LMO3: variants seen among roughly 807,000 people sequenced by gnomAD.
The protein encoded by LMO3 is LIM domain only protein 3.
Under a neutral mutation model 15.8 loss-of-function variants are expected in LMO3, and 2 were observed. That is an observed-to-expected ratio of 0.13 (90% CI 0.05 to 0.40). The LOEUF is 0.40. LMO3 is among the 10% of genes least tolerant of loss of function. LMO3 has a pLI of 0.99. For missense variants in LMO3, 86 were observed against 182.2 expected (o/e 0.47, Z 3.04); for synonymous variants, 62 against 63.8 (o/e 0.97, Z 0.13).
intron 2 of LMO3, among the ~76,000 whole-genome samples, chr12:16,583,544 A>G (rs1416679799): frequency 6.6e-6 from 1 of 152,216 alleles, no homozygotes; most frequent in African/African-American, 2.4e-5. Context: ...CTTAGAAGGA[A>G]TAGGAAGACC....
In LMO3 at chr12:16,593,517, G is replaced by A. The variant is rs562634997; in HGVS notation, c.206+7138C>T. Among the ~76,000 whole-genome samples, 5 of 151,816 alleles carry A rather than the reference G, an allele frequency of 3.3e-5. No individual in the cohort carries two copies. The highest frequency in any genetic ancestry group is 1.9e-4 in the East Asian group (1 of 5,162). ...ACATGATAGCGCAAAGGAATTCGGC[G>A]AAAAGAGAATCATTACATAACTACA... On this transcript the variant is annotated intron_variant, in intron 2 of 3. Coordinates refer to ENST00000537304, the MANE Select transcript of LMO3 (RefSeq NM_018640.5). This position sits in a 1 kb window ranked among gnomAD's most constrained non-coding sequence, Gnocchi z 4.2.
chr12:16,577,088 A>G (rs1376369018), intron 2 of LMO3, among the ~76,000 whole-genome samples: 1 of 152,178 alleles, frequency 6.6e-6, no homozygotes, highest in African/African-American at 2.4e-5. Context: ...TCAGAATTCT[A>G]ATATTAGCAG....
intron 2 of LMO3, among the ~76,000 whole-genome samples, chr12:16,590,171 T>C (rs760546537): frequency 1.1e-4 from 16 of 152,104 alleles, no homozygotes; most frequent in Non-Finnish European, 1.6e-4. Context: ...CCCACTGTTA[T>C]AAATAGAAAT....
Position 16,560,286 on chromosome 12 carries a change from G to T in LMO3, c.332+127C>A. On this transcript the variant is annotated intron_variant, in intron 3 of 3. Transcript: ENST00000537304. This position sits in a 1 kb window ranked among gnomAD's most constrained non-coding sequence, Gnocchi z 5.0. ...AGCTTGTCTCTGGCATGGGATTAAA[G>T]TTTACAGAACAGAAAAACGCTGAGA... The T allele has an allele frequency of 9.4e-7, 1 of 1,064,994 alleles. No homozygotes were observed. Among genetic ancestry groups the T allele is most frequent in the Non-Finnish European group, 1.3e-6 (1 of 757,848 alleles). The allele number at this position is 1,064,994 out of a possible 1,614,324, so 66.0% of individuals were successfully genotyped here. A position where few individuals can be genotyped will look rare whatever the true frequency, so the allele number is the denominator to read the frequency against.
chr12:16,604,751 A>G lies in LMO3; in HGVS notation c.-9+1315T>C. On this transcript the variant is annotated intron_variant, in intron 1 of 3. Transcript: ENST00000537304. This position sits in a 1 kb window ranked among gnomAD's most constrained non-coding sequence, Gnocchi z 5.3. ...AGTCTTTCAAAGCAGTTACAACAAT[A>G]ATATTTCGGTTCTTTCAGAAAGACA... 8.7e-7 allele frequency: 1 copy of G among 1,150,734 alleles called. No homozygotes were observed. The highest frequency in any genetic ancestry group is 1.3e-6 in the Non-Finnish European group (1 of 781,012). 71.3% of individuals were successfully genotyped at this position (1,150,734 alleles called of 1,614,324 possible).
At chr12:16,601,861 T>C (rs996519080) in intron 1 of LMO3, 1 of 152,136 alleles carries the variant, frequency 6.6e-6, no homozygotes, top group African/African-American at 2.4e-5. Flanking sequence ...TCACCTTGAG[T>C]GTCTTCTTAT....
chr12:16,569,805 AAG>A (rs1254132607), intron 2 of LMO3, among the ~76,000 whole-genome samples: 3 of 152,200 alleles, frequency 2.0e-5, no homozygotes, highest in African/African-American at 7.2e-5. Flanking sequence ...AGAGTATTAA[AAG>A]GGAGAAGGGA....
In LMO3 at chr12:16,572,693, T is replaced by G. The variant is rs531400681; in HGVS notation, c.207-12155A>C. On this transcript the variant is annotated intron_variant, in intron 2 of 3. Transcript: ENST00000537304. Reference sequence around the variant, plus strand: ...AAATATATAGATTATATATATAATTTAAATATATTATATATAATTTAAATA... The same window carrying G: ...AAATATATAGATTATATATATAATTGAAATATATTATATATAATTTAAATA... Among the ~76,000 whole-genome samples the G allele has an allele frequency of 2.0e-5, 3 of 147,840 alleles. No individual in the cohort carries two copies. The East Asian group carries it at 5.9e-4, about 29-fold the overall frequency.
rs1942305687 is a variant in LMO3, at chr12:16,559,352, A to AT, written c.332+1060dup. Among the ~76,000 whole-genome samples the AT allele has an allele frequency of 2.0e-5, 3 of 152,194 alleles. No homozygotes were observed. Among genetic ancestry groups the AT allele is most frequent in the Admixed American group, 2.0e-4 (3 of 15,280 alleles). On this transcript the variant is annotated intron_variant, in intron 3 of 3. Coordinates refer to ENST00000537304, the MANE Select transcript of LMO3 (RefSeq NM_018640.5). The surrounding 1 kb of genome is among the most constrained non-coding windows in gnomAD (Gnocchi z 4.1). Reference sequence around the variant, plus strand: ...ATAACTTTCAATAAGAAAAAATGGAATTAAGTGATAATACTTTTCAGCTGA... The same window carrying AT: ...ATAACTTTCAATAAGAAAAAATGGAATTTAAGTGATAATACTTTTCAGCTGA...
chr12:16,582,767 G>T lies in LMO3; in HGVS notation c.206+17888C>A, dbSNP rs531642684. 6.6e-6 allele frequency among the ~76,000 whole-genome samples: 1 copy of T among 152,158 alleles called. No homozygotes were observed. The highest frequency in any genetic ancestry group is 1.5e-5 in the Non-Finnish European group (1 of 68,028). On this transcript the variant is annotated intron_variant, in intron 2 of 3. Transcript: ENST00000537304. This position sits in a 1 kb window ranked among gnomAD's most constrained non-coding sequence, Gnocchi z 4.1. ...ACGCCCAGAAAAGAATCAGAACTAG[G>T]CCGGGCACGGTGGCCCATGCCTGTA...
intron 3 of LMO3, among the ~76,000 whole-genome samples, chr12:16,551,732 G>A (rs1483820957): frequency 6.6e-6 from 1 of 151,644 alleles, no homozygotes. Context: ...TGGCCATTTA[G>A]GCACTTAATA....
At position 16,551,189 on chromosome 12, in the gene LMO3, G is replaced by A. The variant is rs1941977231; in HGVS notation, c.*33C>T. ...AGCAAAAAAGATAAAAGAATGTAGTGCTTTGTATTCTTAATGGGGTGATGT... is the reference window on the plus strand; with the variant it reads ...AGCAAAAAAGATAAAAGAATGTAGTACTTTGTATTCTTAATGGGGTGATGT... On this transcript the variant is annotated 3_prime_UTR_variant, in exon 4 of 4. Transcript: ENST00000537304. 5 of 1,299,116 alleles carry A rather than the reference G, an allele frequency of 3.8e-6. No individual in the cohort carries two copies. Among genetic ancestry groups the A allele is most frequent in the Non-Finnish European group, 5.6e-6 (5 of 893,266 alleles). 80.5% of individuals were successfully genotyped at this position (1,299,116 alleles called of 1,614,324 possible).
chr12:16,575,287 C>G (rs777917321), intron 2 of LMO3, among the ~76,000 whole-genome samples: 9 of 152,142 alleles, frequency 5.9e-5, no homozygotes, highest in Non-Finnish European at 1.3e-4. Context: ...AGGTCAATTT[C>G]CACACACTAA....
intron 2 of LMO3, among the ~76,000 whole-genome samples, chr12:16,571,786 G>A (rs1044240731): frequency 6.6e-6 from 1 of 151,964 alleles, no homozygotes; most frequent in African/African-American, 2.4e-5. Context: ...AGTGTAACTG[G>A]ATCATTCAGC....
intron 2 of LMO3, among the ~76,000 whole-genome samples, chr12:16,564,925 AC>A (rs1210553554): frequency 6.6e-6 from 1 of 152,132 alleles, no homozygotes; most frequent in Non-Finnish European, 1.5e-5. Flanking sequence ...AGCTGGGACC[AC>A]AAGTGCATAT....
chr12:16,566,780 G>T (rs1942628860), intron 2 of LMO3, among the ~76,000 whole-genome samples: 1 of 152,086 alleles, frequency 6.6e-6, no homozygotes, highest in African/African-American at 2.4e-5. Flanking sequence ...ATATATACAT[G>T]TATAGTACAT....
chr12:16,572,171 C>T (rs1225194518), intron 2 of LMO3, among the ~76,000 whole-genome samples: 3 of 151,530 alleles, frequency 2.0e-5, no homozygotes, highest in Admixed American at 6.6e-5. Flanking sequence ...AATAAATTAC[C>T]ACAACTCTCA....
At chr12:16,578,618 G>A (rs1241476156) in intron 2 of LMO3, among the ~76,000 whole-genome samples, 1 of 152,132 alleles carries the variant, frequency 6.6e-6, no homozygotes, top group Non-Finnish European at 1.5e-5. Flanking sequence ...AGGAGTTCGA[G>A]ACCAGCTTGG....
chr12:16,597,482 A>G lies in LMO3; in HGVS notation c.206+3173T>C, dbSNP rs1416618504. 6.6e-6 allele frequency: 1 copy of G among 151,820 alleles called. No individual in the cohort carries two copies. Among genetic ancestry groups the G allele is most frequent in the African/African-American group, 2.4e-5 (1 of 41,420 alleles). 9.4% of individuals were successfully genotyped at this position (151,820 alleles called of 1,614,324 possible). A position where few individuals can be genotyped will look rare whatever the true frequency, so the allele number is the denominator to read the frequency against. On this transcript the variant is annotated intron_variant, in intron 2 of 3. Coordinates refer to ENST00000537304, the MANE Select transcript of LMO3 (RefSeq NM_018640.5). The surrounding 1 kb of genome is among the most constrained non-coding windows in gnomAD (Gnocchi z 5.0). ...AGATCTTTAAGTCTCATTGCTCATA[A>G]TTAGGAGTGTTTCTTTCTTTCTGTT...
Sources: allele counts gnomAD v4.1 joint callset (sites outside exome capture counted in the v4.1 genomes callset), GRCh38; gene constraint gnomAD v4.1.1; non-coding constraint Gnocchi (gnomAD v3.1); transcripts MANE v1.5; gene names NCBI Gene and HGNC (gene_info 2026-07-23, HGNC 2026-07-21).